SUGCT: variants seen among roughly 807,000 people sequenced by gnomAD.
SUGCT encodes succinyl-CoA:glutarate CoA-transferase.
Under a neutral mutation model 55.0 loss-of-function variants are expected in SUGCT, and 41 were observed. The ratio of observed to expected loss-of-function variants is 0.74; its 90% CI spans 0.58 to 0.97. The LOEUF (loss-of-function observed/expected upper bound fraction) is 0.97, where lower values mean the gene tolerates loss of function less well. Among genes scored for constraint, SUGCT ranks in the 50% least tolerant of loss-of-function variants. The pLI, the probability that SUGCT is intolerant of heterozygous loss-of-function variation, is 0.00. For synonymous variants in SUGCT, 187 were observed against 200.4 expected, an observed-to-expected ratio of 0.93 and a Z score of 0.56; for missense variants, 568 against 547.8, an observed-to-expected ratio of 1.04 and a Z score of -0.37.
At chr7:40,210,397 T>C (rs1344371044) in intron 6 of SUGCT, among the ~76,000 whole-genome samples, 2 of 152,050 alleles carry the variant, frequency 1.3e-5, no homozygotes, top group Non-Finnish European at 2.9e-5. Flanking sequence ...ACACCCTCAG[T>C]TGTGTTTCAA....
the SUGCT span, among the ~76,000 whole-genome samples, chr7:40,992,656 G>A: frequency 6.7e-6 from 1 of 149,598 alleles, no homozygotes; most frequent in African/African-American, 2.5e-5. Flanking sequence ...GGCCATAGGA[G>A]GTATGTATGA....
chr7:40,380,754 A>T (rs2151280954), intron 9 of SUGCT, among the ~76,000 whole-genome samples: 1 of 152,214 alleles, frequency 6.6e-6, no homozygotes, highest in African/African-American at 2.4e-5. Flanking sequence ...ATTTTGTCAA[A>T]ATTTGTGGTA....
At chr7:40,723,499 G>A (rs1250615868) in intron 12 of SUGCT, among the ~76,000 whole-genome samples, 2 of 152,098 alleles carry the variant, frequency 1.3e-5, no homozygotes, top group Admixed American at 6.5e-5. Flanking sequence ...AACCGATAAT[G>A]CAGCAGATGA....
At chr7:40,662,402 C>T (rs1801374404) in intron 12 of SUGCT, among the ~76,000 whole-genome samples, 1 of 152,202 alleles carries the variant, frequency 6.6e-6, no homozygotes, top group African/African-American at 2.4e-5. Flanking sequence ...CATGTTATTT[C>T]TCTGCTTAGA....
chr7:40,453,112 G>T (rs1196355979), intron 10 of SUGCT, among the ~76,000 whole-genome samples: 3 of 152,148 alleles, frequency 2.0e-5, no homozygotes, highest in Non-Finnish European at 4.4e-5. Flanking sequence ...GAGCTGTAAT[G>T]TCAGAGAGAG....
the SUGCT span, among the ~76,000 whole-genome samples, chr7:40,886,450 G>A: frequency 6.6e-6 from 1 of 152,130 alleles, no homozygotes; most frequent in Non-Finnish European, 1.5e-5. Context: ...TTCAGATTGG[G>A]ACTTGAAGGA....
chr7:40,905,942 T>C, the SUGCT span, among the ~76,000 whole-genome samples: 1 of 152,062 alleles, frequency 6.6e-6, no homozygotes, highest in Non-Finnish European at 1.5e-5. Flanking sequence ...GGTCTCAAAC[T>C]CTTGGCCTCA....
the SUGCT span, among the ~76,000 whole-genome samples, chr7:40,927,302 A>C: frequency 1.3e-5 from 2 of 152,172 alleles, no homozygotes; most frequent in Admixed American, 6.6e-5. Flanking sequence ...TGGTGAAAAC[A>C]TAGTCATGTG....
intron 9 of SUGCT, among the ~76,000 whole-genome samples, chr7:40,381,602 T>G (rs1303224835): frequency 2.6e-5 from 4 of 152,178 alleles, no homozygotes; most frequent in Non-Finnish European, 5.9e-5. Context: ...GAGTTTTTCC[T>G]TGTCTCAGGA....
At chr7:40,969,791 C>T in the SUGCT span, among the ~76,000 whole-genome samples, 5 of 152,194 alleles carry the variant, frequency 3.3e-5, no homozygotes, top group African/African-American at 1.2e-4. Flanking sequence ...TCTGAGTTGA[C>T]ATTTATTTCT....
chr7:40,508,682 T>A lies in SUGCT; in HGVS notation c.1089+12296T>A, dbSNP rs935505036. ...ATGTTTTTTCATTTGCCATATGACC[T>A]ACAGTAATTTCCAGAGAATTTCAGT... On this transcript the variant is annotated intron_variant, in intron 12 of 13. Coordinates refer to ENST00000335693, the MANE Select transcript of SUGCT (RefSeq NM_001193313.2). Among the ~76,000 whole-genome samples the A allele has an allele frequency of 3.3e-5, 5 of 152,260 alleles. No homozygotes were observed. The East Asian group carries it at 9.6e-4, about 29-fold the overall frequency.
chr7:40,657,051 TCCA>T (rs1801050684), intron 12 of SUGCT, among the ~76,000 whole-genome samples: 2 of 152,224 alleles, frequency 1.3e-5, no homozygotes, highest in African/African-American at 4.8e-5. Context: ...TTTTTGTGAC[TCCA>T]CCTGCTGTGG....
chr7:40,416,381 G>C (rs897835442), intron 9 of SUGCT, among the ~76,000 whole-genome samples: 1 of 151,510 alleles, frequency 6.6e-6, no homozygotes, highest in Non-Finnish European at 1.5e-5. Context: ...TTGAATAATA[G>C]TGGTAATAAA....
At chr7:40,517,494 A>G (rs988213964) in intron 12 of SUGCT, among the ~76,000 whole-genome samples, 8 of 152,052 alleles carry the variant, frequency 5.3e-5, no homozygotes, top group Non-Finnish European at 1.0e-4. Flanking sequence ...TTTCATGGGT[A>G]CCTTTTATCA....
At chr7:40,410,486 A>G (rs1442682138) in intron 9 of SUGCT, among the ~76,000 whole-genome samples, 2 of 152,086 alleles carry the variant, frequency 1.3e-5, no homozygotes, top group East Asian at 1.9e-4. Context: ...TAACTCATAT[A>G]TCTTTTCTTT....
At chr7:40,637,806 A>G (rs1025826478) in intron 12 of SUGCT, among the ~76,000 whole-genome samples, 2 of 152,240 alleles carry the variant, frequency 1.3e-5, no homozygotes, top group Non-Finnish European at 2.9e-5. Context: ...TGAGATTATA[A>G]TATGGTGATT....
the SUGCT span, among the ~76,000 whole-genome samples, chr7:40,989,630 C>T: frequency 1.3e-5 from 2 of 151,372 alleles, no homozygotes; most frequent in African/African-American, 2.4e-5. Context: ...AATCAGCTGG[C>T]CCTGGTGGTG....
chr7:40,693,750 T>C (rs1784798482), intron 12 of SUGCT, among the ~76,000 whole-genome samples: 1 of 152,250 alleles, frequency 6.6e-6, no homozygotes, highest in Non-Finnish European at 1.5e-5. Context: ...AAGCTCACCT[T>C]ACCTCACTGG....
At chr7:40,979,365 A>G in the SUGCT span, 26 of 152,298 alleles carry the variant, frequency 1.7e-4, no homozygotes, top group East Asian at 9.7e-4. Flanking sequence ...CTGTTGCAAA[A>G]TGTTTTACCT....
Sources: gnomAD v4.1 joint callset for allele counts (sites outside exome capture counted in the v4.1 genomes callset) on GRCh38, gnomAD v4.1.1 for gene constraint, MANE v1.5 for transcripts, NCBI Gene and HGNC (gene_info 2026-07-23, HGNC 2026-07-21) for gene names.